F13A1: variants seen among roughly 807,000 people sequenced by gnomAD.
The protein encoded by F13A1 is FSF, A subunit.
Under a neutral mutation model 80.1 loss-of-function variants are expected in F13A1, and 47 were observed. The ratio of observed to expected loss-of-function variants is 0.59; its 90% CI spans 0.46 to 0.75. F13A1 has a LOEUF of 0.75. F13A1 is among the 30% of genes least tolerant of loss of function. The probability of loss-of-function intolerance (pLI) is 0.00; values close to 1 mark genes in which losing one functional copy is unlikely to be tolerated. For missense variants in F13A1, 817 were observed against 930.4 expected, an observed-to-expected ratio of 0.88 and a Z score of 1.59; for synonymous variants, 349 against 344.9, an observed-to-expected ratio of 1.01 and a Z score of -0.13.
chr6:6,153,376 T>C (rs1007085459), intron 13 of F13A1, among the ~76,000 whole-genome samples: 1 of 152,244 alleles, frequency 6.6e-6, no homozygotes, highest in African/African-American at 2.4e-5. Context: ...TATGCATGAA[T>C]TGAAAAATCA....
chr6:6,232,829 TTAAG>T (rs1191449432), intron 6 of F13A1, among the ~76,000 whole-genome samples: 10 of 152,068 alleles, frequency 6.6e-5, no homozygotes, highest in Non-Finnish European at 1.3e-4. Flanking sequence ...TACATGGAAA[TTAAG>T]TAACCTGCTC....
At chr6:6,266,379 G>A (rs1041231512) in intron 4 of F13A1, among the ~76,000 whole-genome samples, 179 bp downstream of exon 4, 7 of 152,138 alleles carry the variant, frequency 4.6e-5, no homozygotes, top group South Asian at 2.1e-4. Flanking sequence ...GTACAGGTGT[G>A]CACCACCACA....
intron 13 of F13A1, among the ~76,000 whole-genome samples, chr6:6,155,198 A>G (rs763664208): frequency 1.8e-4 from 28 of 152,228 alleles, no homozygotes; most frequent in African/African-American, 6.3e-4. Flanking sequence ...ACGCTGTGGA[A>G]AGTGAAATAC....
At chr6:6,287,037 G>T (rs916432820) in intron 3 of F13A1, among the ~76,000 whole-genome samples, 4 of 152,200 alleles carry the variant, frequency 2.6e-5, no homozygotes. Context: ...AGTTCAAAGA[G>T]CTTCCAGTTA....
In F13A1 at chr6:6,264,964, G is replaced by T. The variant is rs539718781; in HGVS notation, c.571+1594C>A. ...CCTTTTGCCAACACTAGTGGAACAG[G>T]TAATTCCCAAGCCATGCTGGGCATG... On this transcript the variant is annotated intron_variant, in intron 4 of 14. Coordinates refer to ENST00000264870, the MANE Select transcript of F13A1 (RefSeq NM_000129.4). Among the ~76,000 whole-genome samples the T allele has an allele frequency of 2.6e-5, 4 of 152,256 alleles. No individual in the cohort carries two copies. The South Asian group carries it at 8.3e-4, about 32-fold the overall frequency.
intron 3 of F13A1, among the ~76,000 whole-genome samples, chr6:6,298,286 CA>C (rs1758362896): frequency 6.8e-6 from 1 of 147,368 alleles, no homozygotes; most frequent in Non-Finnish European, 1.5e-5. Flanking sequence ...GAGCTGAGTT[CA>C]ATTCCTGGGT....
intron 4 of F13A1, among the ~76,000 whole-genome samples, chr6:6,255,168 G>A (rs9502428): frequency 0.12 from 17,941 of 152,026 alleles, 1,445 homozygotes; most frequent in African/African-American, 0.22. Context: ...GGACATTGCC[G>A]TTTAATGATT....
At chr6:6,291,116 C>A (rs1318521378) in intron 3 of F13A1, among the ~76,000 whole-genome samples, 1 of 152,144 alleles carries the variant, frequency 6.6e-6, no homozygotes, top group Non-Finnish European at 1.5e-5. Flanking sequence ...CCACCTACAT[C>A]TTTAAATAAC....
At chr6:6,198,295 T>C (rs1761327376) in intron 8 of F13A1, among the ~76,000 whole-genome samples, 1 of 152,162 alleles carries the variant, frequency 6.6e-6, no homozygotes, top group Non-Finnish European at 1.5e-5. Flanking sequence ...CATCATGAAT[T>C]GTATTATTAT....
chr6:6,280,358 C>A (rs115807349), intron 3 of F13A1, among the ~76,000 whole-genome samples: 1 of 151,986 alleles, frequency 6.6e-6, no homozygotes, highest in African/African-American at 2.4e-5. Context: ...AGTAGTAGAC[C>A]GTGGGGGAAG....
Position 6,318,554 on chromosome 6 carries a change from G to A in F13A1, c.111C>T (p.Pro37=). 1.2e-6 allele frequency: 2 copies of A among 1,613,572 alleles called. No individual in the cohort carries two copies. The highest frequency in any genetic ancestry group is 8.5e-7 in the Non-Finnish European group (1 of 1,179,798). The change falls in exon 2 of 15, where the codon CCC becomes CCT. Residue 37 remains proline (P), a synonymous_variant. Coordinates refer to ENST00000264870, the MANE Select transcript of F13A1 (RefSeq NM_000129.4). Reference sequence around the variant, plus strand: ...TCATACCTTGCAGGTTGACGCCCCGGGGCACCACGCCCTGAAGCTCCACTG... The same window carrying A: ...TCATACCTTGCAGGTTGACGCCCCGAGGCACCACGCCCTGAAGCTCCACTG... ...LPTVELQGVV[P]RGVNLQEFLN... is the part of the protein sequence containing the mutation.
intron 13 of F13A1, 39 bp downstream of exon 13, chr6:6,167,419 G>T (rs1760695614): frequency 1.2e-6 from 2 of 1,605,942 alleles, no homozygotes; most frequent in African/African-American, 1.4e-5. Flanking sequence ...AAGTCTGCGT[G>T]CCTTTGTCTC....
At chr6:6,180,118 C>A (rs570867005) in intron 11 of F13A1, among the ~76,000 whole-genome samples, 1 of 152,238 alleles carries the variant, frequency 6.6e-6, no homozygotes, top group Non-Finnish European at 1.5e-5. Context: ...ACTACTCTGT[C>A]TGGTCAGGAC....
intron 8 of F13A1, among the ~76,000 whole-genome samples, chr6:6,205,138 T>C (rs1761462969): frequency 6.6e-6 from 1 of 152,112 alleles, no homozygotes; most frequent in Non-Finnish European, 1.5e-5. Flanking sequence ...AAGAAATGAA[T>C]GTGTTTATTC....
intron 6 of F13A1, among the ~76,000 whole-genome samples, chr6:6,246,442 G>A (rs540164205): frequency 6.6e-6 from 1 of 152,262 alleles, no homozygotes; most frequent in Non-Finnish European, 1.5e-5. Context: ...GACGGAAATG[G>A]AAATATTGCT....
At chr6:6,220,023 G>T (rs1338894122) in intron 8 of F13A1, among the ~76,000 whole-genome samples, 3 of 152,196 alleles carry the variant, frequency 2.0e-5, no homozygotes, top group African/African-American at 4.8e-5. Flanking sequence ...GAGAGGTTGT[G>T]CCTTGCCCAA....
At chr6:6,260,620 T>G (rs1757766506) in intron 4 of F13A1, among the ~76,000 whole-genome samples, 1 of 152,132 alleles carries the variant, frequency 6.6e-6, no homozygotes, top group Admixed American at 6.5e-5. Flanking sequence ...CATCATATCA[T>G]CCCCTTTTTG....
At chr6:6,224,181 G>T (rs554398385) in intron 7 of F13A1, among the ~76,000 whole-genome samples, 16 of 152,030 alleles carry the variant, frequency 1.1e-4, no homozygotes, top group Admixed American at 9.8e-4. Flanking sequence ...TGAGAAATGT[G>T]GAAAAATGAA....
intron 12 of F13A1, among the ~76,000 whole-genome samples, chr6:6,173,409 C>T (rs450162): frequency 0.32 from 24,494 of 77,530 alleles, 2,468 homozygotes; most frequent in Middle Eastern, 0.41. Flanking sequence ...CCATTCTTTT[C>T]TTTTTTTTTT....
Sources: gnomAD v4.1 joint callset for allele counts (sites outside exome capture counted in the v4.1 genomes callset) on GRCh38, gnomAD v4.1.1 for gene constraint, MANE v1.5 for transcripts, NCBI Gene and HGNC (gene_info 2026-07-23, HGNC 2026-07-21) for gene names.